UNC13B: variants seen among roughly 807,000 people sequenced by gnomAD.
UNC13B encodes the protein protein unc-13 homolog B.
Under a neutral mutation model 211.0 loss-of-function variants are expected in UNC13B, and 144 were observed. The observed-to-expected ratio is 0.68, with a 90% confidence interval of 0.60 to 0.78. UNC13B has a LOEUF of 0.78. Among genes scored for constraint, UNC13B ranks in the 30% least tolerant of loss-of-function variants. The pLI, the probability that UNC13B is intolerant of heterozygous loss-of-function variation, is 0.00. For synonymous variants in UNC13B, 709 were observed against 725.8 expected (o/e 0.98, Z 0.37); for missense variants, 1,777 against 2,002.0 (o/e 0.89, Z 2.14).
chr9:35,332,218 A>T (rs10814228), intron 11 of UNC13B, among the ~76,000 whole-genome samples: 1 of 151,940 alleles, frequency 6.6e-6, no homozygotes, highest in Admixed American at 6.6e-5. Context: ...CCAAAGTGCC[A>T]GGGTTACAGG....
rs1416148276 is a variant in UNC13B, at chr9:35,308,295, T to C, written c.8891T>C (p.Ile2964Thr). 2.5e-6 allele frequency: 1 copy of C among 398,996 alleles called. No individual in the cohort carries two copies. Among genetic ancestry groups the C allele is most frequent in the East Asian group, 3.6e-5 (1 of 28,094 alleles). 24.7% of individuals were successfully genotyped at this position (398,996 alleles called of 1,614,324 possible). A position where few individuals can be genotyped will look rare whatever the true frequency, so the allele number is the denominator to read the frequency against. The part of the protein sequence containing the change: ...HEEEPSTVSE[I>T]FHQLEKQEEE... ...GAAGAACCCTCCACTGTCTCTGAGA[T>C]ATTTCACCAGCTAGAAAAACAAGAA... The change falls in exon 9 of 40, where the codon ATA (isoleucine) becomes ACA (threonine). Residue 2964 changes from isoleucine to threonine, a missense_variant. Coordinates refer to ENST00000635942, the MANE Select transcript of UNC13B (RefSeq NM_001371189.2).
At chr9:35,343,892 A>G (rs1832179786) in intron 11 of UNC13B, among the ~76,000 whole-genome samples, 1 of 152,104 alleles carries the variant, frequency 6.6e-6, no homozygotes, top group South Asian at 2.1e-4. Context: ...AAATGCAAGT[A>G]TATGATTAAT....
intron 11 of UNC13B, chr9:35,351,952 A>G: frequency 2.4e-6 from 3 of 1,232,228 alleles, no homozygotes; most frequent in South Asian, 4.1e-5. Flanking sequence ...TGGGGGATGT[A>G]GTAGAATACA....
intron 1 of UNC13B, among the ~76,000 whole-genome samples, chr9:35,196,260 G>C (rs1822933991): frequency 6.6e-6 from 1 of 152,166 alleles, no homozygotes; most frequent in Admixed American, 6.6e-5. Context: ...TCTAGATTCT[G>C]AAATAGATGG....
intron 11 of UNC13B, among the ~76,000 whole-genome samples, chr9:35,347,939 G>A (rs895561343): frequency 6.6e-6 from 1 of 152,058 alleles, no homozygotes; most frequent in African/African-American, 2.4e-5. Context: ...GGGAAATGAG[G>A]CCAAGTATGT....
rs1308913468 is a variant in UNC13B, at chr9:35,396,912, C to G, written c.11507C>G (p.Ala3836Gly). Residue 3836 changes from alanine to glycine, a missense_variant, in exon 28 of 40, where the codon GCC (alanine) becomes GGC (glycine). By Grantham distance (60) the Ala-to-Gly change is moderately conservative. Transcript: ENST00000635942. Reference protein sequence around the residue: ...EDVSLEFLRGALERDKKDGFQ... With the variant: ...EDVSLEFLRGGLERDKKDGFQ... The stretch of plus-strand genomic sequence containing the variant: ...GTATCCCTGGAATTCCTGCGTGGGG[C>G]CCTGGAACGAGATAAGAAGGATGGA... 1 of 1,614,082 alleles carries G rather than the reference C, an allele frequency of 6.2e-7. No individual in the cohort carries two copies. The highest frequency in any genetic ancestry group is 2.2e-5 in the East Asian group (1 of 44,872).
intron 1 of UNC13B, among the ~76,000 whole-genome samples, chr9:35,168,270 A>T (rs1452493452): frequency 6.6e-6 from 1 of 152,118 alleles, no homozygotes; most frequent in African/African-American, 2.4e-5. Flanking sequence ...CAAGGGGTAC[A>T]TATGCAGGTT....
rs371863959 is a variant in UNC13B at position 35,399,000 on chromosome 9, G to A, written c.12040G>A (p.Val4014Ile). 42 of 1,614,022 alleles carry A rather than the reference G, an allele frequency of 2.6e-5. No homozygotes were observed. The African/African-American group carries it at 2.9e-4, about 11-fold the overall frequency. Residue 4014 changes from valine to isoleucine, a missense_variant, in exon 33 of 40, where the codon GTA (valine) becomes ATA (isoleucine). Val to Ile is a conservative substitution (Grantham distance 29). Transcript: ENST00000635942. ...RASAAQDADS[V>I]LRPLMDFLDG... The stretch of plus-strand genomic sequence containing the variant: ...CTCAGCGGCTCAGGATGCAGATAGC[G>A]TACTCCGGCCTCTCATGGACTTCCT...
At chr9:35,352,215 A>G (rs1832759663) in intron 11 of UNC13B, 7 of 1,232,180 alleles carry the variant, frequency 5.7e-6, no homozygotes, top group Non-Finnish European at 7.1e-6. Flanking sequence ...CCTGAACAAG[A>G]TGGAGAAAAT....
chr9:35,311,733 C>G (rs529787679), intron 10 of UNC13B, among the ~76,000 whole-genome samples: 1 of 152,036 alleles, frequency 6.6e-6, no homozygotes, highest in Non-Finnish European at 1.5e-5. Flanking sequence ...GCTGAGAAAC[C>G]CAGGACAGAG....
chr9:35,336,382 T>C (rs567705602), intron 11 of UNC13B, among the ~76,000 whole-genome samples: 1 of 152,354 alleles, frequency 6.6e-6, no homozygotes, highest in East Asian at 1.9e-4. Context: ...TGCCTCTTGC[T>C]TTAACATTTC....
chr9:35,290,003 T>G (rs1309210762), intron 7 of UNC13B, among the ~76,000 whole-genome samples: 1 of 152,208 alleles, frequency 6.6e-6, no homozygotes, highest in Non-Finnish European at 1.5e-5. Context: ...TATTCTTAAT[T>G]ATGAAGCTAT....
intron 5 of UNC13B, among the ~76,000 whole-genome samples, chr9:35,242,952 G>A (rs1825888198): frequency 6.6e-6 from 1 of 152,158 alleles, no homozygotes; most frequent in African/African-American, 2.4e-5. Context: ...GGGGAAGGTA[G>A]TATGGTTACA....
At chr9:35,397,968 T>C (rs1221058250) in intron 30 of UNC13B, among the ~76,000 whole-genome samples, 1 of 152,182 alleles carries the variant, frequency 6.6e-6, no homozygotes, top group Non-Finnish European at 1.5e-5. Flanking sequence ...AAACTTTAGA[T>C]ATTCAGAAAG....
chr9:35,396,691 C>A, intron 27 of UNC13B, 89 bp downstream of exon 27: 1 of 1,599,172 alleles, frequency 6.3e-7, no homozygotes, highest in South Asian at 1.1e-5. Context: ...AAGCCAGTCT[C>A]GGGGACTGCC....
intron 1 of UNC13B, among the ~76,000 whole-genome samples, chr9:35,212,248 A>G (rs1824007612): frequency 6.6e-6 from 1 of 152,204 alleles, no homozygotes; most frequent in African/African-American, 2.4e-5. Flanking sequence ...GAGAAAAAAT[A>G]TCCCATCCAC....
chr9:35,403,065 G>C, intron 37 of UNC13B, 102 bp from the exon 38 acceptor site: 1 of 929,678 alleles, frequency 1.1e-6, no homozygotes, highest in East Asian at 2.5e-5. Context: ...TTACTGTGGT[G>C]ATTGCTTCTT....
intron 1 of UNC13B, among the ~76,000 whole-genome samples, chr9:35,206,672 G>A (rs986121062): frequency 2.0e-5 from 3 of 151,976 alleles, no homozygotes; most frequent in Admixed American, 6.6e-5. Flanking sequence ...TCAAGAGATC[G>A]AGACCATCCT....
intron 7 of UNC13B, among the ~76,000 whole-genome samples, chr9:35,261,330 G>A (rs1267524592): frequency 6.6e-6 from 1 of 152,084 alleles, no homozygotes; most frequent in African/African-American, 2.4e-5. Context: ...AGCTAGGAAA[G>A]TCAACATAAC....
Sources: gnomAD v4.1 joint callset for allele counts (sites outside exome capture counted in the v4.1 genomes callset) on GRCh38, gnomAD v4.1.1 for gene constraint, MANE v1.5 for transcripts, NCBI Gene and HGNC (gene_info 2026-07-23, HGNC 2026-07-21) for gene names.